The following FGFR1OP2 variants were observed in gnomAD, a reference collection of about 807,000 sequenced individuals.
The protein encoded by FGFR1OP2 is FGFR1 oncogene partner 2.
In FGFR1OP2, 17 loss-of-function variants were observed where a neutral mutation model predicts 35.2. The observed-to-expected ratio is 0.48, with a 90% CI of 0.33 to 0.73. The LOEUF is 0.73. FGFR1OP2 is among the 30% of genes least tolerant of loss of function. The probability of loss-of-function intolerance (pLI) is 0.02; values close to 1 mark genes in which losing one functional copy is unlikely to be tolerated. For missense variants in FGFR1OP2, 251 were observed against 307.3 expected (o/e 0.82, Z 1.37); for synonymous variants, 105 against 104.6 (o/e 1.00, Z -0.03).
Position 26,956,613 on chromosome 12 carries a change from T to C in FGFR1OP2, c.206T>C (p.Ile69Thr), listed in dbSNP as rs752373211. 6.2e-7 allele frequency: 1 copy of C among 1,606,936 alleles called. No individual in the cohort carries two copies. The highest frequency in any genetic ancestry group is 8.5e-7 in the Non-Finnish European group (1 of 1,176,868). ...HRPRSTLVMG[I>T]QQENRQIREL... is the part of the protein sequence containing the mutation. ...CCACGGTCCACGTTAGTTATGGGAA[T>C]CCAGCAAGAAAACAGACAAATCAGA... The change falls in exon 3 of 7, where the codon ATC becomes ACC. Residue 69 changes from isoleucine (I) to threonine (T), a missense_variant. Physicochemically the swap from Ile to Thr is moderately conservative, Grantham distance 89. Transcript: ENST00000229395.
rs554703167 is a variant in FGFR1OP2 at position 26,949,238 on chromosome 12, C to T, written c.-14-4907C>T. Among the ~76,000 whole-genome samples, 21 of 152,092 alleles carry T rather than the reference C, an allele frequency of 1.4e-4. 1 individual carries two copies. The highest frequency in any genetic ancestry group is 1.2e-3 in the South Asian group (6 of 4,816). ...GCAACCTCCACCTCCCAGGTACAAG[C>T]GATTCTCCTGTCTTGGCCTCCCAAG... On this transcript the variant is annotated intron_variant, in intron 1 of 6. Transcript: ENST00000229395.
chr12:26,956,620 A>G lies in FGFR1OP2; in HGVS notation c.213A>G (p.Gln71=). ...PRSTLVMGIQ[Q]ENRQIRELQQ... ...CCACGTTAGTTATGGGAATCCAGCA[A>G]GAAAACAGACAAATCAGAGAGTTGC... The change falls in exon 3 of 7, where the codon CAA becomes CAG. Residue 71 remains glutamine (Q), a synonymous_variant. Transcript: ENST00000229395. The G allele has an allele frequency of 1.9e-6, 3 of 1,607,002 alleles. No homozygotes were observed. The South Asian group carries it at 3.3e-5, about 18-fold the overall frequency.
chr12:26,958,357 T>C (rs915800764), intron 4 of FGFR1OP2, among the ~76,000 whole-genome samples: 2 of 152,230 alleles, frequency 1.3e-5, no homozygotes, highest in African/African-American at 4.8e-5. Context: ...TGAGACCCTG[T>C]CTCTTAAAAA....
chr12:26,940,213 C>T (rs984927262), intron 1 of FGFR1OP2, among the ~76,000 whole-genome samples: 5 of 152,190 alleles, frequency 3.3e-5, no homozygotes, highest in African/African-American at 1.2e-4. Context: ...TTAGTTCCTT[C>T]TTGAACTGTC....
intron 5 of FGFR1OP2, chr12:26,962,906 T>A (rs1939123520): frequency 6.5e-6 from 1 of 152,724 alleles, no homozygotes; most frequent in South Asian, 2.1e-4. Flanking sequence ...GGTTACAGAT[T>A]GGATTGAGAT....
chr12:26,957,635 C>G lies in FGFR1OP2; in HGVS notation c.288C>G (p.Ala96=), dbSNP rs776450713. The G allele has an allele frequency of 4.3e-6, 7 of 1,613,192 alleles. No homozygotes were observed. The highest frequency in any genetic ancestry group is 5.1e-6 in the Non-Finnish European group (6 of 1,179,618). Residue 96 remains alanine (A), a synonymous_variant, in exon 4 of 7, where the codon GCC becomes GCG. Coordinates refer to ENST00000229395, the MANE Select transcript of FGFR1OP2 (RefSeq NM_015633.3). ...CATCTCTGGAAGAACATCAGTCGGC[C>G]TTGGAACTTATAATGAGCAAGTACC... ...LRTSLEEHQS[A]LELIMSKYRE...
chr12:26,953,219 A>G (rs964965816), intron 1 of FGFR1OP2, among the ~76,000 whole-genome samples: 1 of 143,558 alleles, frequency 7.0e-6, no homozygotes, highest in Non-Finnish European at 1.5e-5. Context: ...AGCCGAGATC[A>G]CGCCGCTGCA....
intron 3 of FGFR1OP2, 26 bp downstream of exon 3, chr12:26,956,686 A>T (rs1356119750): frequency 2.9e-6 from 4 of 1,379,572 alleles, no homozygotes; most frequent in Non-Finnish European, 4.0e-6. Flanking sequence ...TTTTGACATT[A>T]ATCCCATTTC....
Position 26,964,644 on chromosome 12 carries a change from T to C in FGFR1OP2, c.673T>C (p.Phe225Leu). The change falls in exon 7 of 7, where the codon TTT becomes CTT. Residue 225 changes from phenylalanine to leucine, a missense_variant. Physicochemically the swap from Phe to Leu is conservative, Grantham distance 22 (BLOSUM62 0). Coordinates refer to ENST00000229395, the MANE Select transcript of FGFR1OP2 (RefSeq NM_015633.3). ...REILQITRES[F>L]LNLRKDDASE... ...GATCCTTCAAATAACTCGAGAATCATTTTTGAACCTAAGGAAAGATGATGC... is the reference window on the plus strand; with the variant it reads ...GATCCTTCAAATAACTCGAGAATCACTTTTGAACCTAAGGAAAGATGATGC... 1.2e-6 allele frequency: 2 copies of C among 1,613,036 alleles called. No homozygotes were observed. Among genetic ancestry groups the C allele is most frequent in the South Asian group, 1.1e-5 (1 of 91,032 alleles).
Position 26,960,603 on chromosome 12 carries a change from GAAGGCACTTGGAAGC to G in FGFR1OP2, c.488_502del (p.Arg163_Ala167del), listed in dbSNP as rs753133105. On this transcript the variant is annotated inframe_deletion, in exon 5 of 7. Transcript: ENST00000229395. ...GAAGCACCTCAACATGGACTGGAGA[GAAGGCACTTGGAAGC>G]AAATCAGAATGTACACTAAATAAAC... is the stretch of plus-strand genomic sequence containing the variant. 4 of 1,613,046 alleles carry G rather than the reference GAAGGCACTTGGAAGC, an allele frequency of 2.5e-6. No individual in the cohort carries two copies. Among genetic ancestry groups the G allele is most frequent in the Non-Finnish European group, 3.4e-6 (4 of 1,179,478 alleles).
At chr12:26,952,087 CTTT>C (rs34270981) in intron 1 of FGFR1OP2, among the ~76,000 whole-genome samples, 10 of 117,186 alleles carry the variant, frequency 8.5e-5, no homozygotes, top group East Asian at 2.4e-4. Context: ...AGTGCCCGTC[CTTT>C]TTTTTTTTTT....
chr12:26,955,062 G>A (rs1489841824), intron 2 of FGFR1OP2, among the ~76,000 whole-genome samples: 1 of 152,098 alleles, frequency 6.6e-6, no homozygotes, highest in Non-Finnish European at 1.5e-5. Context: ...TTAGTTATTT[G>A]GTTTTACAAC....
intron 1 of FGFR1OP2, among the ~76,000 whole-genome samples, chr12:26,950,425 ACT>A (rs1481229080): frequency 1.3e-5 from 2 of 151,230 alleles, no homozygotes; most frequent in Non-Finnish European, 2.9e-5. Flanking sequence ...ACGGAGTTTC[ACT>A]GTGTTAGCCA....
At chr12:26,938,910 T>A (rs2136341991) in intron 1 of FGFR1OP2, among the ~76,000 whole-genome samples, 200 bp downstream of exon 1, 1 of 152,172 alleles carries the variant, frequency 6.6e-6, no homozygotes. Flanking sequence ...CTCCTCTTAA[T>A]GGAGATGCGG....
intron 6 of FGFR1OP2, among the ~76,000 whole-genome samples, chr12:26,963,827 A>G (rs1406041706): frequency 1.3e-5 from 2 of 151,978 alleles, no homozygotes; most frequent in Non-Finnish European, 2.9e-5. Context: ...TTTTCTGGGG[A>G]TTCTAAAAAC....
chr12:26,962,715 A>T (rs1199922743), intron 5 of FGFR1OP2: 1 of 152,206 alleles, frequency 6.6e-6, no homozygotes, highest in Non-Finnish European at 1.5e-5. Context: ...ACAAATGTGG[A>T]TGTCTGTATT....
At chr12:26,941,220 G>C (rs1044581875) in intron 1 of FGFR1OP2, among the ~76,000 whole-genome samples, 4 of 152,068 alleles carry the variant, frequency 2.6e-5, no homozygotes, top group Non-Finnish European at 5.9e-5. Context: ...AGGCCGAAAA[G>C]TTTAGAATAT....
chr12:26,957,607 G>A lies in FGFR1OP2; in HGVS notation c.260G>A (p.Arg87His), dbSNP rs1245452105. The change falls in exon 4 of 7, where the codon CGT becomes CAT. Residue 87 changes from arginine (R) to histidine (H), a missense_variant. Arg to His is a conservative substitution (Grantham distance 29, BLOSUM62 0). Transcript: ENST00000229395. Reference sequence around the variant, plus strand: ...ACAATATTATTCTTGATAGAATTACGTACATCTCTGGAAGAACATCAGTCG... The same window carrying A: ...ACAATATTATTCTTGATAGAATTACATACATCTCTGGAAGAACATCAGTCG... ...RELQQENKEL[R>H]TSLEEHQSAL... 6.2e-6 allele frequency: 10 copies of A among 1,610,884 alleles called. No individual in the cohort carries two copies. Among genetic ancestry groups the A allele is most frequent in the South Asian group, 1.1e-5 (1 of 90,658 alleles).
chr12:26,942,185 A>G (rs1382813931), intron 1 of FGFR1OP2, among the ~76,000 whole-genome samples: 1 of 152,196 alleles, frequency 6.6e-6, no homozygotes, highest in East Asian at 1.9e-4. Context: ...GGCGTGCGCC[A>G]CCACACCCAG....
Sources: allele counts gnomAD v4.1 joint callset (sites outside exome capture counted in the v4.1 genomes callset), GRCh38; gene constraint gnomAD v4.1.1; transcripts MANE v1.5; gene names NCBI Gene and HGNC (gene_info 2026-07-23, HGNC 2026-07-21).